Variants in PLCE1 observed in about 807,000 individuals in gnomAD.
The protein encoded by PLCE1 is phospholipase C epsilon 1, also known as 1-phosphatidylinositol 4,5-bisphosphate phosphodiesterase epsilon-1.
In PLCE1, 119 loss-of-function variants were observed where a neutral mutation model predicts 242.8. The ratio of observed to expected loss-of-function variants is 0.49; its 90% CI spans 0.42 to 0.57. The LOEUF (loss-of-function observed/expected upper bound fraction) is 0.57. Ranked by LOEUF, PLCE1 falls within the 20% of genes least tolerant of loss-of-function variation. The pLI is 0.00. For synonymous variants in PLCE1, 945 were observed against 1,017.4 expected (o/e 0.93, Z 1.35); for missense variants, 2,441 against 2,788.8 (o/e 0.88, Z 2.81).
At chr10:93,998,099 T>C (rs1444178459) in intron 1 of PLCE1, among the ~76,000 whole-genome samples, 3 of 152,196 alleles carry the variant, frequency 2.0e-5, no homozygotes, top group African/African-American at 7.2e-5. Flanking sequence ...TCTAGGGAAA[T>C]TGAATTCCTC....
At chr10:94,240,766 A>G (rs995569177) in intron 7 of PLCE1, among the ~76,000 whole-genome samples, 23 of 152,204 alleles carry the variant, frequency 1.5e-4, no homozygotes, top group African/African-American at 5.5e-4. Context: ...GAATGATACC[A>G]TGGAAGCTCT....
At chr10:94,067,226 T>G (rs2044223077) in intron 2 of PLCE1, among the ~76,000 whole-genome samples, 1 of 152,172 alleles carries the variant, frequency 6.6e-6, no homozygotes, top group Admixed American at 6.6e-5. Context: ...ACCATGAGAC[T>G]CTGTCATAAT....
intron 2 of PLCE1, among the ~76,000 whole-genome samples, chr10:94,126,317 A>G (rs2046435138): frequency 6.6e-6 from 1 of 152,182 alleles, no homozygotes; most frequent in Non-Finnish European, 1.5e-5. Flanking sequence ...ATCTCTAAAA[A>G]CTTAGCAGTG....
chr10:94,106,912 T>TTTTCTCTCTCTCTCTCTCTCTCTC (rs2045756641), intron 2 of PLCE1, among the ~76,000 whole-genome samples: 2 of 38,734 alleles, frequency 5.2e-5, no homozygotes, highest in African/African-American at 1.6e-4. Context: ...TGTCTCTTGT[T>TTTTCTCTCTCTCTCTCTCTCTCTC]TCTCTCTCTC....
chr10:94,270,457 A>T, intron 17 of PLCE1, 29 bp from the exon 18 acceptor site: 1 of 1,398,236 alleles, frequency 7.2e-7, no homozygotes, highest in East Asian at 2.3e-5. Flanking sequence ...AGATATCTGG[A>T]CTCTAATGAG....
At chr10:94,188,585 G>C (rs1183364278) in intron 4 of PLCE1, among the ~76,000 whole-genome samples, 1 of 152,096 alleles carries the variant, frequency 6.6e-6, no homozygotes. Flanking sequence ...GGTTTGGTTT[G>C]TTCGTTTGTT....
chr10:94,194,252 G>A lies in PLCE1; in HGVS notation c.1809+22756G>A, dbSNP rs374423791. Among the ~76,000 whole-genome samples, 16 of 152,214 alleles carry A rather than the reference G, an allele frequency of 1.1e-4. No homozygotes were observed. The East Asian group carries it at 1.7e-3, about 17-fold the overall frequency. On this transcript the variant is annotated intron_variant, in intron 4 of 32. Coordinates refer to ENST00000371380, the MANE Select transcript of PLCE1 (RefSeq NM_016341.4). Reference sequence around the variant, plus strand: ...TTGCCTAGTTTCTGCCATCCTTTTCGTGGGGAATTACACAACAACTATTAA... The same window carrying A: ...TTGCCTAGTTTCTGCCATCCTTTTCATGGGGAATTACACAACAACTATTAA...
intron 4 of PLCE1, among the ~76,000 whole-genome samples, chr10:94,190,832 T>C (rs917901382): frequency 6.6e-6 from 1 of 152,230 alleles, no homozygotes; most frequent in African/African-American, 2.4e-5. Flanking sequence ...GGCGGGAGCA[T>C]GGAGCTCGTG....
intron 2 of PLCE1, among the ~76,000 whole-genome samples, chr10:94,099,140 C>A (rs182593799): frequency 6.6e-6 from 1 of 152,370 alleles, no homozygotes; most frequent in African/African-American, 2.4e-5. Context: ...CCAACCTTGA[C>A]TCTTAACAGC....
At position 94,246,260 on chromosome 10, in the gene PLCE1, A is replaced by G; in HGVS notation, c.2735A>G (p.Asn912Ser). Residue 912 changes from asparagine (N) to serine (S), a missense_variant, in exon 8 of 33, where the codon AAT (asparagine) becomes AGT (serine). Transcript: ENST00000371380. Reference protein sequence around the residue: ...ASSKAKLGVLNNTAEPGKFPL... With the variant: ...ASSKAKLGVLSNTAEPGKFPL... ...AGTAAAGCAAAACTTGGTGTACTTAATAACACAGCTGAGCCTGGAAAATTC... is the reference window on the plus strand; with the variant it reads ...AGTAAAGCAAAACTTGGTGTACTTAGTAACACAGCTGAGCCTGGAAAATTC... 6.2e-7 allele frequency: 1 copy of G among 1,614,216 alleles called. No individual in the cohort carries two copies. Among genetic ancestry groups the G allele is most frequent in the Non-Finnish European group, 8.5e-7 (1 of 1,180,012 alleles).
chr10:94,226,603 ATAT>A (rs2049947882), intron 4 of PLCE1, among the ~76,000 whole-genome samples: 1 of 152,012 alleles, frequency 6.6e-6, no homozygotes, highest in African/African-American at 2.4e-5. Flanking sequence ...TTTTCCTTTG[ATAT>A]TATGTATTTT....
intron 31 of PLCE1, 90 bp downstream of exon 31, chr10:94,324,657 G>C (rs928818557): frequency 8.5e-6 from 10 of 1,171,646 alleles, no homozygotes; most frequent in Middle Eastern, 2.2e-4. Context: ...TGAAATTTAG[G>C]AGAAAGTTCC....
intron 4 of PLCE1, among the ~76,000 whole-genome samples, chr10:94,199,388 GGGACAGAA>G (rs1172494025): frequency 6.6e-6 from 1 of 152,142 alleles, no homozygotes; most frequent in Non-Finnish European, 1.5e-5. Context: ...ATTTGTAAAT[GGGACAGAA>G]GTCCCTACCC....
intron 2 of PLCE1, among the ~76,000 whole-genome samples, chr10:94,118,441 T>C (rs1385860968): frequency 1.0e-5 from 1 of 100,356 alleles, no homozygotes; most frequent in Non-Finnish European, 2.3e-5. Flanking sequence ...CCCACCCAAA[T>C]CTCACCTTAT....
chr10:94,055,316 A>ATTT (rs34828676), intron 2 of PLCE1, among the ~76,000 whole-genome samples: 1 of 146,942 alleles, frequency 6.8e-6, no homozygotes, highest in African/African-American at 2.5e-5. Context: ...TTGTTGTCTT[A>ATTT]TTTTTTTTTT....
intron 13 of PLCE1, among the ~76,000 whole-genome samples, chr10:94,259,810 AG>A (rs1197277500): frequency 6.6e-6 from 1 of 152,142 alleles, no homozygotes; most frequent in Non-Finnish European, 1.5e-5. Flanking sequence ...AAGGAAAAAG[AG>A]GTTTAAGGGG....
intron 20 of PLCE1, among the ~76,000 whole-genome samples, chr10:94,281,533 C>T (rs563643371): frequency 6.6e-6 from 1 of 152,150 alleles, no homozygotes; most frequent in African/African-American, 2.4e-5. Flanking sequence ...TTTAACAATC[C>T]ACATATGCAG....
intron 4 of PLCE1, among the ~76,000 whole-genome samples, chr10:94,198,212 AGGGTT>A (rs1188116933): frequency 6.6e-6 from 1 of 152,274 alleles, no homozygotes; most frequent in Non-Finnish European, 1.5e-5. Context: ...ATCAGCACTT[AGGGTT>A]CCCACTCTGG....
intron 2 of PLCE1, among the ~76,000 whole-genome samples, chr10:94,061,347 T>C (rs2044050744): frequency 1.3e-5 from 2 of 152,226 alleles, no homozygotes; most frequent in South Asian, 4.1e-4. Context: ...TCCATGGAAA[T>C]GGGAAAGACA....
Sources: gnomAD v4.1 joint callset for allele counts (sites outside exome capture counted in the v4.1 genomes callset) on GRCh38, gnomAD v4.1.1 for gene constraint, MANE v1.5 for transcripts, NCBI Gene and HGNC (gene_info 2026-07-23, HGNC 2026-07-21) for gene names.